The following MYO9A variants were observed in gnomAD, a reference collection of about 807,000 sequenced individuals.
The protein encoded by MYO9A is myosin IXA, also known as unconventional myosin-IXa.
A neutral mutation model predicts 293.3 loss-of-function variants in MYO9A; 103 were observed. The ratio of observed to expected loss-of-function variants is 0.35; its 90% CI spans 0.30 to 0.41. The LOEUF is 0.41. Among genes scored for constraint, MYO9A ranks in the 10% least tolerant of loss-of-function variants. The pLI, the probability that MYO9A is intolerant of heterozygous loss-of-function variation, is 1.00. For missense variants in MYO9A, 2,685 were observed against 3,033.0 expected, an observed-to-expected ratio of 0.89 and a Z score of 2.69; for synonymous variants, 1,001 against 1,035.7, an observed-to-expected ratio of 0.97 and a Z score of 0.64.
At chr15:71,842,819 C>T (rs1407600034) in intron 39 of MYO9A, among the ~76,000 whole-genome samples, 1 of 150,170 alleles carries the variant, frequency 6.7e-6, no homozygotes, top group Non-Finnish European at 1.5e-5. Context: ...GAGATAGCAC[C>T]ACTGCACTCC....
chr15:71,861,796 G>A, intron 33 of MYO9A, among the ~76,000 whole-genome samples: 1 of 151,380 alleles, frequency 6.6e-6, no homozygotes, highest in East Asian at 1.9e-4. Flanking sequence ...GTGGTAATAA[G>A]TTCTATAAAG....
At chr15:72,100,890 C>CG (rs2080268595) in intron 1 of MYO9A, among the ~76,000 whole-genome samples, 1 of 144,868 alleles carries the variant, frequency 6.9e-6, no homozygotes, top group African/African-American at 2.6e-5. Context: ...AGCCCCCCGC[C>CG]GGCCAGCCGC....
At chr15:71,910,020 G>A (rs578147656) in intron 19 of MYO9A, among the ~76,000 whole-genome samples, 34 of 150,374 alleles carry the variant, frequency 2.3e-4, no homozygotes, top group African/African-American at 8.0e-4. Context: ...AATAATAAGT[G>A]TAAATTATGA....
At position 71,988,238 on chromosome 15, in the gene MYO9A, G is replaced by A. The variant is rs769769833; in HGVS notation, c.1722+2865C>T. On this transcript the variant is annotated intron_variant, in intron 11 of 41. Transcript: ENST00000356056. ...CATGTACTTATTTGCAAGAGATAAAGAATATTAACTTAGTATGATTTATGT... is the reference window on the plus strand; with the variant it reads ...CATGTACTTATTTGCAAGAGATAAAAAATATTAACTTAGTATGATTTATGT... Among the ~76,000 whole-genome samples the A allele has an allele frequency of 1.0e-3, 153 of 152,138 alleles. 2 individuals carry two copies. Among genetic ancestry groups the A allele is most frequent in the Non-Finnish European group, 1.9e-3 (129 of 68,010 alleles).
intron 38 of MYO9A, 124 bp from the exon 39 acceptor site, chr15:71,849,092 T>A: frequency 1.1e-6 from 1 of 939,200 alleles, no homozygotes; most frequent in South Asian, 2.0e-5. Flanking sequence ...CCTTACTTGA[T>A]AAACTCAGAG....
Position 71,933,657 on chromosome 15 carries a change from T to C in MYO9A, c.2562+13A>G, listed in dbSNP as rs751489614. 3.7e-6 allele frequency: 6 copies of C among 1,605,450 alleles called. No individual in the cohort carries two copies. The South Asian group carries it at 4.5e-5, about 12-fold the overall frequency. On this transcript the variant is annotated intron_variant, in intron 18 of 41. Coordinates refer to ENST00000356056, the MANE Select transcript of MYO9A (RefSeq NM_006901.4). The stretch of plus-strand genomic sequence containing the variant: ...CAGAATACCAATACAAAAAAAGTTT[T>C]CATAGTACTCACCTTTGGAAGGGCA...
intron 8 of MYO9A, among the ~76,000 whole-genome samples, chr15:72,007,437 AC>A (rs2077048431): frequency 6.6e-6 from 1 of 151,888 alleles, no homozygotes; most frequent in East Asian, 1.9e-4. Context: ...CCACCCAAAT[AC>A]CCCCATCTTG....
chr15:72,032,645 AG>A lies in MYO9A; in HGVS notation c.841-58del, dbSNP rs1275412552. ...CTAAAAAAAAAAAATTTTTTTTTGG[AG>A]GGGGGATTAGGTCAGCTGCTTAGGT... On this transcript the variant is annotated intron_variant, in intron 2 of 41. Transcript: ENST00000356056. The A allele has an allele frequency of 3.7e-5, 41 of 1,120,860 alleles. 2 individuals are homozygous for A. In the South Asian group the frequency reaches 6.6e-4, roughly 18 times the overall value. 69.4% of individuals were successfully genotyped at this position (1,120,860 alleles called of 1,614,324 possible).
In MYO9A at chr15:72,006,800, C is replaced by T. The variant is rs28403882; in HGVS notation, c.1380+1026G>A. 4.2e-3 allele frequency among the ~76,000 whole-genome samples: 637 copies of T among 152,216 alleles called. 5 individuals carry two copies. The highest frequency in any genetic ancestry group is 0.015 in the African/African-American group (610 of 41,526). ...TAGGGTGGAAGGAAAAGGTGCTGTTCTAAGTAATTTTGGAAATGAGTGAAG... is the reference window on the plus strand; with the variant it reads ...TAGGGTGGAAGGAAAAGGTGCTGTTTTAAGTAATTTTGGAAATGAGTGAAG... On this transcript the variant is annotated intron_variant, in intron 8 of 41. Transcript: ENST00000356056.
intron 29 of MYO9A, 28 bp downstream of exon 29, chr15:71,880,307 A>G: frequency 1.9e-6 from 3 of 1,595,404 alleles, no homozygotes; most frequent in Non-Finnish European, 2.6e-6. Flanking sequence ...GAGCTGCTCC[A>G]GGGCCTGACG....
chr15:72,067,251 A>G (rs1238261084), intron 1 of MYO9A, among the ~76,000 whole-genome samples: 2 of 151,326 alleles, frequency 1.3e-5, no homozygotes, highest in Non-Finnish European at 2.9e-5. Flanking sequence ...ATACCTGAGA[A>G]AAGTACAAAT....
intron 32 of MYO9A, among the ~76,000 whole-genome samples, chr15:71,869,585 G>A (rs1441327408): frequency 1.3e-5 from 2 of 152,066 alleles, no homozygotes; most frequent in African/African-American, 4.8e-5. Context: ...AATAAATCTG[G>A]GTTAAGGGAT....
chr15:71,899,863 C>A lies in MYO9A; in HGVS notation c.3294G>T (p.Arg1098=). 6.2e-7 allele frequency: 1 copy of A among 1,614,096 alleles called. No individual in the cohort carries two copies. Among genetic ancestry groups the A allele is most frequent in the Non-Finnish European group, 8.5e-7 (1 of 1,180,034 alleles). Residue 1098 remains arginine (R), a synonymous_variant, in exon 24 of 42, where the codon CGG becomes CGT. Transcript: ENST00000356056. ...TCTGCTGGATAACGATGGCTGCAGC[C>A]CGTAACTCCAAGTACCGCTGCCTCT... is the stretch of plus-strand genomic sequence containing the variant. ...HLERQRYLEL[R]AAAIVIQQKW...
chr15:71,854,519 C>G lies in MYO9A; in HGVS notation c.6204G>C (p.Leu2068Phe). 1 of 1,611,912 alleles carries G rather than the reference C, an allele frequency of 6.2e-7. No homozygotes were observed. The highest frequency in any genetic ancestry group is 8.5e-7 in the Non-Finnish European group (1 of 1,179,040). Reference protein sequence around the residue: ...SRQFGVELSRLTSEDRTVPLV... With the variant: ...SRQFGVELSRFTSEDRTVPLV... ...AAGGAACAGTTCGGTCTTCACTGGT[C>G]AAACGGGACAGTTCAACCCCAAATT... The change falls in exon 35 of 42, where the codon TTG becomes TTC. Residue 2068 changes from leucine (L) to phenylalanine (F), a missense_variant. By Grantham distance (22) the Leu-to-Phe change is conservative. This residue lies in a region of MYO9A where 238 missense variants were observed against 269.1 expected (regional missense o/e 0.88). Transcript: ENST00000356056.
At chr15:71,933,903 G>A (rs1297501420) in intron 17 of MYO9A, among the ~76,000 whole-genome samples, 194 bp from the exon 18 acceptor site, 1 of 152,026 alleles carries the variant, frequency 6.6e-6, no homozygotes, top group African/African-American at 2.4e-5. Flanking sequence ...GAATAAACAA[G>A]GAAAAGATAC....
chr15:71,834,760 C>T (rs977890641), intron 39 of MYO9A, among the ~76,000 whole-genome samples: 1 of 152,042 alleles, frequency 6.6e-6, no homozygotes, highest in Non-Finnish European at 1.5e-5. Context: ...CAGTGAGAGC[C>T]TGTCTCAAAA....
intron 2 of MYO9A, among the ~76,000 whole-genome samples, chr15:72,035,798 C>T (rs1271823950): frequency 1.3e-5 from 2 of 151,858 alleles, no homozygotes; most frequent in Admixed American, 6.6e-5. Flanking sequence ...GACTGAAACC[C>T]GGGCCTCAAA....
chr15:71,830,264 A>G lies in MYO9A; in HGVS notation c.6885T>C (p.Pro2295=), dbSNP rs753711322. The G allele has an allele frequency of 1.2e-6, 2 of 1,613,936 alleles. No homozygotes were observed. The highest frequency in any genetic ancestry group is 1.6e-4 in the Middle Eastern group (1 of 6,070). ...ACACAGAAGGCAACCGAACTACAAC[A>G]GGAGACGATGGACCTGGATAGTTTC... ...RRGNYPGPSS[P]VVVRLPSVSD... is the part of the protein sequence containing the mutation. Residue 2295 remains proline (P), a synonymous_variant, in exon 40 of 42, where the codon CCT becomes CCC. Coordinates refer to ENST00000356056, the MANE Select transcript of MYO9A (RefSeq NM_006901.4).
At position 71,852,121 on chromosome 15, in the gene MYO9A, C is replaced by T; in HGVS notation, c.6475+11G>A. ...TAGGCCTTCTCTCTAACCCAGGAAG[C>T]CTATGCTTACCCATAGCTCGAAGAA... On this transcript the variant is annotated intron_variant, in intron 36 of 41. Coordinates refer to ENST00000356056, the MANE Select transcript of MYO9A (RefSeq NM_006901.4). 1 of 1,607,004 alleles carries T rather than the reference C, an allele frequency of 6.2e-7. No homozygotes were observed. Among genetic ancestry groups the T allele is most frequent in the Non-Finnish European group, 8.5e-7 (1 of 1,175,390 alleles).
Sources: gnomAD v4.1 joint callset for allele counts (sites outside exome capture counted in the v4.1 genomes callset) on GRCh38, gnomAD v4.1.1 for gene constraint, gnomAD v4.1.1 regional missense constraint, MANE v1.5 for transcripts, NCBI Gene and HGNC (gene_info 2026-07-23, HGNC 2026-07-21) for gene names.